The following DNAH11 variants were observed in gnomAD, a reference collection of about 807,000 sequenced individuals.
DNAH11 encodes the protein axonemal beta dynein heavy chain 11.
In DNAH11, 442 loss-of-function variants were observed where a neutral mutation model predicts 526.0. The ratio of observed to expected loss-of-function variants is 0.84; its 90% CI spans 0.78 to 0.91. The LOEUF is 0.91. Among genes scored for constraint, DNAH11 ranks in the 40% least tolerant of loss-of-function variants. DNAH11 has a pLI of 0.00. For missense variants in DNAH11, 6,989 were observed against 5,448.7 expected (o/e 1.28, Z -8.90); for synonymous variants, 2,461 against 1,935.9 (o/e 1.27, Z -7.12).
At position 21,588,472 on chromosome 7, in the gene DNAH11, T is replaced by C. The variant is rs756166940; in HGVS notation, c.1849-40T>C. 121 of 1,609,762 alleles carry C rather than the reference T, an allele frequency of 7.5e-5. 3 individuals carry two copies. In the Admixed American group the frequency reaches 1.9e-3, roughly 25 times the overall value. ...AGGGTTGGAAACCATTCTGACTAAATGTTCCCTTTCTTCCTCTTCACCAAA... is the reference window on the plus strand; with the variant it reads ...AGGGTTGGAAACCATTCTGACTAAACGTTCCCTTTCTTCCTCTTCACCAAA... On this transcript the variant is annotated intron_variant, in intron 10 of 81. Coordinates refer to ENST00000409508, the MANE Select transcript of DNAH11 (RefSeq NM_001277115.2).
intron 77 of DNAH11, 104 bp downstream of exon 77, chr7:21,892,771 T>G (rs2128047854): frequency 7.7e-7 from 1 of 1,304,094 alleles, no homozygotes; most frequent in Admixed American, 2.6e-5. Context: ...TACCTAGGTT[T>G]TACTCATACA....
intron 28 of DNAH11, among the ~76,000 whole-genome samples, chr7:21,650,679 T>G (rs12154731): frequency 0.38 from 57,625 of 151,292 alleles, 12,630 homozygotes; most frequent in Non-Finnish European, 0.5. Context: ...CGTTCTTGTC[T>G]CCCAGGCTGG....
intron 14 of DNAH11, among the ~76,000 whole-genome samples, chr7:21,596,988 G>A (rs948687397): frequency 6.6e-6 from 1 of 152,186 alleles, no homozygotes. Context: ...CATGGTTTGG[G>A]GAAAAGCTGT....
intron 22 of DNAH11, among the ~76,000 whole-genome samples, chr7:21,617,332 G>C (rs1029273171): frequency 6.6e-6 from 1 of 152,114 alleles, no homozygotes; most frequent in Non-Finnish European, 1.5e-5. Context: ...TTCATTGCAC[G>C]TGTCCTGTGA....
intron 55 of DNAH11, among the ~76,000 whole-genome samples, chr7:21,768,869 C>G (rs1260823507): frequency 6.6e-6 from 1 of 152,156 alleles, no homozygotes; most frequent in Admixed American, 6.5e-5. Flanking sequence ...TGATAGCTAT[C>G]TTAGCAGAGT....
At chr7:21,745,722 A>C (rs1786118672) in intron 51 of DNAH11, among the ~76,000 whole-genome samples, 1 of 152,268 alleles carries the variant, frequency 6.6e-6, no homozygotes. Flanking sequence ...GAGAATAAGC[A>C]AGAAAAATAT....
At chr7:21,724,928 A>G (rs982594107) in intron 44 of DNAH11, among the ~76,000 whole-genome samples, 1 of 152,070 alleles carries the variant, frequency 6.6e-6, no homozygotes, top group African/African-American at 2.4e-5. Context: ...GGGCCAGATC[A>G]TCCTGTGGAC....
At chr7:21,782,070 G>A (rs1016319563) in intron 57 of DNAH11, among the ~76,000 whole-genome samples, 30 of 152,126 alleles carry the variant, frequency 2.0e-4, no homozygotes, top group African/African-American at 7.0e-4. Flanking sequence ...GTGAGCTTGG[G>A]TCTTCAAAAT....
At chr7:21,644,869 A>G (rs1374321202) in intron 28 of DNAH11, among the ~76,000 whole-genome samples, 1 of 152,250 alleles carries the variant, frequency 6.6e-6, no homozygotes, top group African/African-American at 2.4e-5. Context: ...TAGAGAATCT[A>G]CTTTCAGAAT....
rs772294066 is a variant in DNAH11, at chr7:21,717,944, C to G, written c.7134+19C>G. The G allele has an allele frequency of 6.2e-7, 1 of 1,604,882 alleles. No individual in the cohort carries two copies. Among genetic ancestry groups the G allele is most frequent in the Non-Finnish European group, 8.5e-7 (1 of 1,174,430 alleles). ...GGTGCAGGTTTGTCTTCGGTTACGC[C>G]ATTTAACGTTCTAGTTCTGATGCGG... On this transcript the variant is annotated intron_variant, in intron 43 of 81. Transcript: ENST00000409508.
chr7:21,880,790 T>C lies in DNAH11; in HGVS notation c.12284T>C (p.Leu4095Pro), dbSNP rs773060255. ...TTCCACGCCTGTGTTGCTGGGAGAC[T>C]GAGGTTTGGCCCCCAGGGCTGGAGC... ...CYFHACVAGR[L>P]RFGPQGWSRS... is the part of the protein sequence containing the mutation. The change falls in exon 75 of 82, where the codon CTG becomes CCG. Residue 4095 changes from leucine to proline, a missense_variant. Leu to Pro is a moderately conservative substitution (Grantham distance 98). Transcript: ENST00000409508. 1.2e-6 allele frequency: 2 copies of C among 1,614,010 alleles called. No homozygotes were observed.
chr7:21,766,718 A>AT (rs1787201218), intron 55 of DNAH11, among the ~76,000 whole-genome samples: 1 of 152,072 alleles, frequency 6.6e-6, no homozygotes, highest in Non-Finnish European at 1.5e-5. Context: ...CTACAAAAAA[A>AT]AAAAAAGCAG....
chr7:21,634,271 A>C (rs927183907), intron 25 of DNAH11, among the ~76,000 whole-genome samples: 8 of 152,162 alleles, frequency 5.3e-5, no homozygotes, highest in African/African-American at 1.9e-4. Context: ...GTATCTTGAG[A>C]CTTGATGAAC....
chr7:21,688,257 CT>C (rs1158406008), intron 34 of DNAH11, among the ~76,000 whole-genome samples: 3 of 152,126 alleles, frequency 2.0e-5, no homozygotes, highest in African/African-American at 4.8e-5. Flanking sequence ...TTCTTCTCAT[CT>C]ATAAAATGGG....
chr7:21,581,907 G>A lies in DNAH11; in HGVS notation c.1596G>A (p.Glu532=), dbSNP rs1320269540. The A allele has an allele frequency of 1.3e-6, 2 of 1,592,916 alleles. No homozygotes were observed. The highest frequency in any genetic ancestry group is 1.7e-6 in the Non-Finnish European group (2 of 1,164,726). ...TYDPSDCTNM[E]FESDYVAFKS... is the part of the protein sequence containing the mutation. ...ATATTTCACTTTGAATTTTACAGGA[G>A]TTTGAAAGTGATTATGTGGCATTTA... The change falls in exon 9 of 82, where the codon GAG becomes GAA. Residue 532 remains glutamate (E), a splice_region_variant and synonymous_variant. Coordinates refer to ENST00000409508, the MANE Select transcript of DNAH11 (RefSeq NM_001277115.2).
intron 66 of DNAH11, among the ~76,000 whole-genome samples, chr7:21,851,833 A>G (rs12700311): frequency 0.72 from 109,118 of 151,954 alleles, 39,427 homozygotes; most frequent in Middle Eastern, 0.77. Flanking sequence ...TTTTTTTCCT[A>G]TTTTGAGAAC....
intron 21 of DNAH11, 96 bp downstream of exon 21, chr7:21,615,368 G>A: frequency 7.2e-7 from 1 of 1,379,702 alleles, no homozygotes. Flanking sequence ...GTTTTATAAT[G>A]TCTTGAAATA....
intron 8 of DNAH11, among the ~76,000 whole-genome samples, chr7:21,574,860 C>T (rs1413538036): frequency 4.4e-5 from 6 of 136,434 alleles, no homozygotes; most frequent in Non-Finnish European, 7.7e-5. Flanking sequence ...TGAGCCACTG[C>T]ACTGGGCTTT....
intron 35 of DNAH11, among the ~76,000 whole-genome samples, chr7:21,692,906 A>G (rs1455625037): frequency 1.3e-5 from 2 of 152,182 alleles, no homozygotes; most frequent in Non-Finnish European, 2.9e-5. Context: ...TTTAGTTTGC[A>G]TCTCCATGAT....
Sources: allele counts gnomAD v4.1 joint callset (sites outside exome capture counted in the v4.1 genomes callset), GRCh38; gene constraint gnomAD v4.1.1; transcripts MANE v1.5; gene names NCBI Gene and HGNC (gene_info 2026-07-23, HGNC 2026-07-21).